The following GPHN variants were observed in gnomAD, a reference collection of about 807,000 sequenced individuals.
GPHN encodes the protein gephyrin.
In GPHN, 17 loss-of-function variants were observed where a neutral mutation model predicts 95.5. The ratio of observed to expected loss-of-function variants is 0.18; its 90% confidence interval spans 0.12 to 0.27. GPHN has a LOEUF of 0.27. Ranked by LOEUF, GPHN falls within the 10% of genes least tolerant of loss-of-function variation. The probability of loss-of-function intolerance (pLI) is 1.00; values close to 1 mark genes in which losing one functional copy is unlikely to be tolerated. For missense variants in GPHN, 660 were observed against 978.1 expected, an observed-to-expected ratio of 0.67 and a Z score of 4.34; for synonymous variants, 320 against 322.5, an observed-to-expected ratio of 0.99 and a Z score of 0.08.
At chr14:67,109,500 T>C (rs575133894) in intron 13 of GPHN, among the ~76,000 whole-genome samples, 1 of 152,258 alleles carries the variant, frequency 6.6e-6, no homozygotes, top group African/African-American at 2.4e-5. Context: ...ACAATGAAAA[T>C]CTTGTTTTTC....
intron 1 of GPHN, among the ~76,000 whole-genome samples, chr14:66,566,920 A>C (rs2060484205): frequency 6.6e-6 from 1 of 152,156 alleles, no homozygotes; most frequent in Admixed American, 6.5e-5. Context: ...GCTGACTGGA[A>C]ATTAAGGTGA....
the GPHN span, chr14:67,727,457 C>G: frequency 2.4e-6 from 1 of 410,288 alleles, no homozygotes; most frequent in East Asian, 5.2e-5. Context: ...TAGCTTTTTG[C>G]AACAGACAGA....
At chr14:67,585,898 G>T in the GPHN span, 4 of 1,565,744 alleles carry the variant, frequency 2.6e-6, no homozygotes, top group African/African-American at 5.4e-5. Flanking sequence ...CTGGTTCCTA[G>T]CTCAGGGGAC....
intron 3 of GPHN, among the ~76,000 whole-genome samples, chr14:66,815,275 C>T (rs1566973924): frequency 6.6e-6 from 1 of 152,158 alleles, no homozygotes; most frequent in Non-Finnish European, 1.5e-5. Context: ...CTTCCCCAAC[C>T]TAGCTAGAGA....
chr14:67,656,662 C>G, the GPHN span: 1 of 1,484,966 alleles, frequency 6.7e-7, no homozygotes, highest in Non-Finnish European at 9.1e-7. Context: ...TCCTCATCAC[C>G]TTCCCCATGT....
the GPHN span, chr14:67,334,627 A>T: frequency 6.6e-6 from 1 of 152,142 alleles, no homozygotes; most frequent in East Asian, 1.9e-4. Flanking sequence ...TTGGCTGGAG[A>T]GTGTTTTATG....
At chr14:67,128,448 C>T (rs1487853765) in intron 17 of GPHN, among the ~76,000 whole-genome samples, 1 of 152,068 alleles carries the variant, frequency 6.6e-6, no homozygotes, top group African/African-American at 2.4e-5. Flanking sequence ...TCCCAAAATA[C>T]ATTTTATTTG....
intron 17 of GPHN, among the ~76,000 whole-genome samples, chr14:67,128,318 G>A (rs142266853): frequency 0.018 from 2,741 of 151,480 alleles, 66 homozygotes; most frequent in African/African-American, 0.063. Context: ...GTGCAGTGGC[G>A]TGATCTCGGC....
At chr14:67,602,445 A>G in the GPHN span, among the ~76,000 whole-genome samples, 1 of 152,232 alleles carries the variant, frequency 6.6e-6, no homozygotes, top group East Asian at 1.9e-4. Flanking sequence ...ACTATTGCAT[A>G]TATCATGTGT....
At chr14:67,392,997 C>T in the GPHN span, 12 of 859,484 alleles carry the variant, frequency 1.4e-5, no homozygotes, top group East Asian at 2.5e-5. Context: ...TGCATAGAGC[C>T]GTGGCTGCAC....
the GPHN span, chr14:67,364,630 TTC>T: frequency 1.2e-6 from 1 of 858,062 alleles, no homozygotes; most frequent in East Asian, 2.8e-5. Context: ...CTTAAGAAGT[TTC>T]AAAGGATGAG....
the GPHN span, among the ~76,000 whole-genome samples, chr14:67,495,307 C>T: frequency 6.6e-6 from 1 of 152,196 alleles, no homozygotes; most frequent in South Asian, 2.1e-4. Flanking sequence ...ACTCCCACCT[C>T]CTCCTCCCAG....
At chr14:67,560,149 C>T in the GPHN span, among the ~76,000 whole-genome samples, 2 of 152,058 alleles carry the variant, frequency 1.3e-5, no homozygotes, top group African/African-American at 4.8e-5. Context: ...GCCTCAGCCT[C>T]CCTGAGTAGC....
chr14:67,272,690 G>T, the GPHN span, among the ~76,000 whole-genome samples: 796 of 152,090 alleles, frequency 5.2e-3, 8 homozygotes, highest in African/African-American at 0.018. Flanking sequence ...ACAGAGTCTC[G>T]CGCTGTCTCC....
At chr14:67,090,383 C>T (rs1232833217) in intron 12 of GPHN, among the ~76,000 whole-genome samples, 1 of 151,942 alleles carries the variant, frequency 6.6e-6, no homozygotes, top group Non-Finnish European at 1.5e-5. Context: ...GATACCTGAC[C>T]TCATGTGAAG....
chr14:67,283,671 A>G, the GPHN span, among the ~76,000 whole-genome samples: 2 of 152,118 alleles, frequency 1.3e-5, no homozygotes, highest in African/African-American at 4.8e-5. Flanking sequence ...AAGTGTTGGG[A>G]TCATTTGAGA....
At chr14:67,301,899 A>T in the GPHN span, 1 of 1,465,522 alleles carries the variant, frequency 6.8e-7, no homozygotes, top group Non-Finnish European at 9.2e-7. Context: ...AATACTATGT[A>T]CATAGGTTAA....
intron 9 of GPHN, among the ~76,000 whole-genome samples, chr14:67,012,544 G>C (rs1354307566): frequency 6.6e-6 from 1 of 152,136 alleles, no homozygotes; most frequent in Non-Finnish European, 1.5e-5. Context: ...TTCCAGGCTA[G>C]GAGGGATTGG....
chr14:66,627,382 C>A (rs996942273), intron 1 of GPHN, among the ~76,000 whole-genome samples: 8 of 151,962 alleles, frequency 5.3e-5, no homozygotes, highest in African/African-American at 1.9e-4. Flanking sequence ...CCGCCCCCAA[C>A]ATTGTTTCTC....
Sources: gnomAD v4.1 joint callset for allele counts (sites outside exome capture counted in the v4.1 genomes callset) on GRCh38, gnomAD v4.1.1 for gene constraint, MANE v1.5 for transcripts, NCBI Gene and HGNC (gene_info 2026-07-23, HGNC 2026-07-21) for gene names.